The following DNAH17 variants were observed in gnomAD, a reference collection of about 807,000 sequenced individuals.
The protein encoded by DNAH17 is dynein axonemal heavy chain 17.
DNAH17 carries 376 observed loss-of-function variants against 485.6 expected under a neutral mutation model. The observed-to-expected ratio is 0.77, with a 90% CI of 0.71 to 0.84. The LOEUF is 0.84. Ranked by LOEUF, DNAH17 falls within the 40% of genes least tolerant of loss-of-function variation. The pLI is 0.00. For synonymous variants in DNAH17, 3,031 were observed against 2,405.9 expected, an observed-to-expected ratio of 1.26 and a Z score of -7.60; for missense variants, 6,370 against 5,839.3, an observed-to-expected ratio of 1.09 and a Z score of -2.96.
intron 21 of DNAH17, 87 bp from the exon 22 acceptor site, chr17:78,529,781 C>G: frequency 3.6e-6 from 5 of 1,385,440 alleles, no homozygotes; most frequent in South Asian, 2.6e-5. Context: ...GGGGGACGAC[C>G]GCGGTGAGGT....
At chr17:78,556,754 C>T (rs755137575) in intron 14 of DNAH17, among the ~76,000 whole-genome samples, 14 of 151,982 alleles carry the variant, frequency 9.2e-5, no homozygotes, top group African/African-American at 2.9e-4. Flanking sequence ...GAAAACAACC[C>T]GAATGCCCAT....
In DNAH17 at chr17:78,453,400, T is replaced by G; in HGVS notation, c.10472A>C (p.Glu3491Ala). ...AGGGTCCAGCACGGGGTCCACGGTT[T>G]CGCCGATGTTCTCAATGAGCAAGGT... ...GDTLLIENIG[E>A]TVDPVLDPLL... The change falls in exon 65 of 81, where the codon GAA (glutamate) becomes GCA (alanine). Residue 3491 changes from glutamate (E) to alanine (A), a missense_variant. Transcript: ENST00000389840. 1 of 1,613,884 alleles carries G rather than the reference T, an allele frequency of 6.2e-7. No homozygotes were observed. Among genetic ancestry groups the G allele is most frequent in the Non-Finnish European group, 8.5e-7 (1 of 1,179,830 alleles).
chr17:78,545,673 A>C (rs928056193), intron 16 of DNAH17, among the ~76,000 whole-genome samples: 5 of 152,182 alleles, frequency 3.3e-5, no homozygotes, highest in African/African-American at 1.2e-4. Context: ...TGAGAGTCAC[A>C]AACGTACAGT....
chr17:78,561,663 C>G, intron 12 of DNAH17, 52 bp downstream of exon 12: 1 of 1,548,648 alleles, frequency 6.5e-7, no homozygotes, highest in Non-Finnish European at 8.7e-7. Flanking sequence ...CCCTCTCGCT[C>G]TCCCGCACCA....
chr17:78,482,883 T>G (rs1192180166), intron 48 of DNAH17, among the ~76,000 whole-genome samples: 1 of 152,186 alleles, frequency 6.6e-6, no homozygotes, highest in Non-Finnish European at 1.5e-5. Context: ...GACCTAGGGC[T>G]GAAGCTTAAG....
chr17:78,471,393 G>A (rs556674759), intron 54 of DNAH17, among the ~76,000 whole-genome samples: 2 of 152,342 alleles, frequency 1.3e-5, no homozygotes, highest in East Asian at 3.9e-4. Flanking sequence ...ACCCTGCCTC[G>A]AGGTAAGGAG....
intron 55 of DNAH17, among the ~76,000 whole-genome samples, chr17:78,467,758 G>A (rs764636479): frequency 2.0e-5 from 3 of 152,088 alleles, no homozygotes; most frequent in Non-Finnish European, 4.4e-5. Context: ...AAATCAAGGT[G>A]TGGCCAGGCA....
At chr17:78,448,220 C>T (rs2087396094) in intron 69 of DNAH17, among the ~76,000 whole-genome samples, 1 of 151,542 alleles carries the variant, frequency 6.6e-6, no homozygotes, top group African/African-American at 2.4e-5. Flanking sequence ...AAAAAATTAG[C>T]TAGGCACAGC....
At position 78,470,155 on chromosome 17, in the gene DNAH17, C is replaced by T. The variant is rs1406761422; in HGVS notation, c.8512-1272G>A. Among the ~76,000 whole-genome samples the T allele has an allele frequency of 1.5e-5, 2 of 136,390 alleles. 1 individual carries two copies. The highest frequency in any genetic ancestry group is 3.0e-5 in the Non-Finnish European group (2 of 65,582). 89.5% of individuals were successfully genotyped at this position (136,390 alleles called of 152,430 possible). On this transcript the variant is annotated intron_variant, in intron 54 of 80. Transcript: ENST00000389840. The stretch of plus-strand genomic sequence containing the variant: ...GTGTCGCGATCTTGGCTCACTTCAA[C>T]CTCCGCCTCCCGGGTTCAAGGAGTT...
At chr17:78,551,509 C>CA (rs2091901119) in intron 16 of DNAH17, 26 bp downstream of exon 16, 2 of 1,608,032 alleles carry the variant, frequency 1.2e-6, no homozygotes, top group African/African-American at 1.3e-5. Flanking sequence ...CACAAAGCCC[C>CA]ACTCTGTGCT....
At chr17:78,561,683 G>T (rs763739194) in intron 12 of DNAH17, 32 bp downstream of exon 12, 1 of 1,571,984 alleles carries the variant, frequency 6.4e-7, no homozygotes, top group Non-Finnish European at 8.6e-7. Flanking sequence ...ATGGAGGCGG[G>T]GTGCCTGCCC....
intron 62 of DNAH17, among the ~76,000 whole-genome samples, chr17:78,457,472 T>G (rs2087860974): frequency 2.0e-5 from 3 of 152,188 alleles, no homozygotes; most frequent in Non-Finnish European, 2.9e-5. Context: ...TTGATAATTT[T>G]TATATTAGTT....
rs572620022 is a variant in DNAH17 at position 78,560,717 on chromosome 17, C to T, written c.2031+23G>A. On this transcript the variant is annotated intron_variant, in intron 13 of 80. Coordinates refer to ENST00000389840, the MANE Select transcript of DNAH17 (RefSeq NM_173628.4). Reference sequence around the variant, plus strand: ...CCCCGCTCCCAAGGAGCCTTTGACGCGGTCCCCACTCCTGGCACCCACCGC... The same window carrying T: ...CCCCGCTCCCAAGGAGCCTTTGACGTGGTCCCCACTCCTGGCACCCACCGC... 3.2e-4 allele frequency: 488 copies of T among 1,531,332 alleles called. 4 individuals carry two copies. In the South Asian group the frequency reaches 5.2e-3, roughly 16 times the overall value. 94.9% of individuals were successfully genotyped at this position (1,531,332 alleles called of 1,614,324 possible).
At chr17:78,486,563 C>G (rs563922227) in intron 44 of DNAH17, 57 bp from the exon 45 acceptor site, 1 of 1,537,612 alleles carries the variant, frequency 6.5e-7, no homozygotes, top group Admixed American at 2.0e-5. Context: ...TGCCAGTGTC[C>G]CTGCCTTGGT....
chr17:78,510,753 C>CCCCCA (rs2090614873), intron 26 of DNAH17: 1 of 421,720 alleles, frequency 2.4e-6, no homozygotes, highest in African/African-American at 2.1e-5. Context: ...GAATTGCGGC[C>CCCCCA]CCCCCGCAAA....
chr17:78,535,406 G>A (rs549010099), intron 19 of DNAH17, among the ~76,000 whole-genome samples: 2 of 152,206 alleles, frequency 1.3e-5, no homozygotes, highest in Admixed American at 6.5e-5. Flanking sequence ...CTCCTCTCAG[G>A]AGCTGTCCTT....
At chr17:78,561,023 G>A in intron 12 of DNAH17, 88 bp from the exon 13 acceptor site, 8 of 1,317,378 alleles carry the variant, frequency 6.1e-6, no homozygotes, top group Non-Finnish European at 7.2e-6. Flanking sequence ...CCGATCTGGG[G>A]TGCCGAAGCG....
At chr17:78,535,585 C>T (rs2091352862) in intron 19 of DNAH17, among the ~76,000 whole-genome samples, 1 of 152,182 alleles carries the variant, frequency 6.6e-6, no homozygotes, top group Non-Finnish European at 1.5e-5. Context: ...CAGCTCATCT[C>T]GCTGTAAATA....
chr17:78,521,861 C>T (rs1033999553), intron 25 of DNAH17, among the ~76,000 whole-genome samples: 1 of 151,982 alleles, frequency 6.6e-6, no homozygotes, highest in African/African-American at 2.4e-5. Context: ...GTGGCGTGCG[C>T]CTGTAATCCC....
Sources: gnomAD v4.1 joint callset for allele counts (sites outside exome capture counted in the v4.1 genomes callset) on GRCh38, gnomAD v4.1.1 for gene constraint, MANE v1.5 for transcripts, NCBI Gene and HGNC (gene_info 2026-07-23, HGNC 2026-07-21) for gene names.